Variants in CUX1 observed in about 807,000 individuals in gnomAD.
CUX1 encodes protein CASP.
In CUX1, 31 loss-of-function variants were observed where a neutral mutation model predicts 158.8. The observed-to-expected ratio is 0.20, with a 90% CI of 0.15 to 0.26. The LOEUF (loss-of-function observed/expected upper bound fraction) is 0.26, where lower values mean the gene tolerates loss of function less well. Ranked by LOEUF, CUX1 falls within the 10% of genes least tolerant of loss-of-function variation. The probability of loss-of-function intolerance (pLI) is 1.00; values close to 1 mark genes in which losing one functional copy is unlikely to be tolerated. For missense variants in CUX1, 1,589 were observed against 2,014.6 expected, an observed-to-expected ratio of 0.79 and a Z score of 4.04; for synonymous variants, 879 against 862.1, an observed-to-expected ratio of 1.02 and a Z score of -0.34.
intron 17 of CUX1, among the ~76,000 whole-genome samples, chr7:102,200,716 G>A (rs782012220): frequency 2.1e-4 from 31 of 149,792 alleles, no homozygotes; most frequent in Non-Finnish European, 4.4e-4. Flanking sequence ...TATAGCACAG[G>A]AAAATGAATA....
intron 1 of CUX1, among the ~76,000 whole-genome samples, chr7:101,888,064 T>G (rs1047777826): frequency 4.6e-5 from 7 of 152,292 alleles, no homozygotes; most frequent in Non-Finnish European, 7.4e-5. Context: ...CCGGGTGTGG[T>G]GGCTCACGCC....
intron 2 of CUX1, among the ~76,000 whole-genome samples, chr7:102,013,154 G>A (rs1189669650): frequency 6.7e-6 from 1 of 149,870 alleles, no homozygotes; most frequent in African/African-American, 2.4e-5. Context: ...CCATCCCAGG[G>A]TTATGAATGA....
Position 102,256,229 on chromosome 7 carries a change from A to G in CUX1, c.*7187A>G. On this transcript the variant is annotated 3_prime_UTR_variant, in exon 24 of 24. Transcript: ENST00000292535. ...TGAGGCCACAGCCATCCCTTCCAGCACTTAATCTTGTCTTGTTGAAATGGA... is the reference window on the plus strand; with the variant it reads ...TGAGGCCACAGCCATCCCTTCCAGCGCTTAATCTTGTCTTGTTGAAATGGA... 1.0e-6 allele frequency: 1 copy of G among 985,392 alleles called. No homozygotes were observed. The highest frequency in any genetic ancestry group is 1.2e-6 in the Non-Finnish European group (1 of 829,938). The allele number at this position is 985,392 out of a possible 1,614,324, so 61.0% of individuals were successfully genotyped here.
At chr7:102,183,685 C>T (rs1027721843) in intron 11 of CUX1, among the ~76,000 whole-genome samples, 2 of 152,158 alleles carry the variant, frequency 1.3e-5, no homozygotes, top group South Asian at 2.1e-4. Context: ...AGGGGGTCCC[C>T]GTGAGACCGA....
intron 10 of CUX1, among the ~76,000 whole-genome samples, chr7:102,174,795 T>G (rs113114150): frequency 0.065 from 9,900 of 152,126 alleles, 443 homozygotes; most frequent in African/African-American, 0.12. Context: ...ACTATAAAAA[T>G]TTGCCTTTGC....
chr7:102,070,851 C>G (rs1441502324), intron 4 of CUX1, among the ~76,000 whole-genome samples: 1 of 152,206 alleles, frequency 6.6e-6, no homozygotes, highest in African/African-American at 2.4e-5. Flanking sequence ...AGATCAGTGG[C>G]CCCTGGACAA....
In CUX1 at chr7:102,248,736, C is replaced by T. The variant is rs1801107777; in HGVS notation, c.4212C>T (p.Ser1404=). 1 of 1,096,160 alleles carries T rather than the reference C, an allele frequency of 9.1e-7. No individual in the cohort carries two copies. The highest frequency in any genetic ancestry group is 3.5e-5 in the South Asian group (1 of 28,558). 67.9% of individuals were successfully genotyped at this position (1,096,160 alleles called of 1,614,324 possible). ...TGGAAGGCCCGGGGCCCCTGCCCAGCCCCGCCTCCGCGACCGCCACCGCCG... is the reference window on the plus strand; with the variant it reads ...TGGAAGGCCCGGGGCCCCTGCCCAGTCCCGCCTCCGCGACCGCCACCGCCG... ...GPVEGPGPLP[S]PASATATAAP... is the part of the protein sequence containing the mutation. Residue 1404 remains serine (S), a synonymous_variant, in exon 24 of 24, where the codon AGC becomes AGT. Coordinates refer to ENST00000292535, the MANE Select transcript of CUX1 (RefSeq NM_181552.4). The surrounding 1 kb of genome is among the most constrained non-coding windows in gnomAD (Gnocchi z 5.8).
chr7:102,100,661 T>C (rs922199216), intron 5 of CUX1, among the ~76,000 whole-genome samples: 5 of 152,130 alleles, frequency 3.3e-5, no homozygotes, highest in Non-Finnish European at 5.9e-5. Context: ...ACCAGTAGTG[T>C]AAATGATTAA....
At chr7:101,860,642 TAG>T (rs1797336653) in intron 1 of CUX1, among the ~76,000 whole-genome samples, 1 of 152,162 alleles carries the variant, frequency 6.6e-6, no homozygotes, top group South Asian at 2.1e-4. Context: ...AGGATTGTAC[TAG>T]TCTGTCTGTC....
intron 14 of CUX1, among the ~76,000 whole-genome samples, chr7:102,264,226 G>A (rs979399076): frequency 2.0e-5 from 3 of 151,528 alleles, no homozygotes; most frequent in African/African-American, 4.9e-5. Context: ...GGCTGGTCTC[G>A]AACTCCTGAC....
chr7:101,883,663 G>A (rs1468582569), intron 1 of CUX1, among the ~76,000 whole-genome samples: 2 of 151,194 alleles, frequency 1.3e-5, no homozygotes, highest in African/African-American at 4.9e-5. Flanking sequence ...CCAGGCTGGA[G>A]TGCAATGGCA....
intron 8 of CUX1, among the ~76,000 whole-genome samples, chr7:102,136,143 C>T (rs1833874350): frequency 6.6e-6 from 1 of 151,982 alleles, no homozygotes; most frequent in Non-Finnish European, 1.5e-5. Flanking sequence ...TTTCTTCCCC[C>T]AACATATAAT....
rs1482958361 is a variant in CUX1 at position 102,239,299 on chromosome 7, C to G, written c.3623-21C>G. 4 of 1,588,938 alleles carry G rather than the reference C, an allele frequency of 2.5e-6. No individual in the cohort carries two copies. The African/African-American group carries it at 5.4e-5, about 21-fold the overall frequency. On this transcript the variant is annotated intron_variant, in intron 22 of 23. Coordinates refer to ENST00000292535, the MANE Select transcript of CUX1 (RefSeq NM_181552.4). Reference sequence around the variant, plus strand: ...TGTCCCAGCTGGGCCTGACCTTAGTCTGCCATCTCTTCCTCCGCAGCCTAC... The same window carrying G: ...TGTCCCAGCTGGGCCTGACCTTAGTGTGCCATCTCTTCCTCCGCAGCCTAC...
At chr7:101,987,560 G>A (rs929337231) in intron 2 of CUX1, among the ~76,000 whole-genome samples, 3 of 152,226 alleles carry the variant, frequency 2.0e-5, no homozygotes, top group African/African-American at 4.8e-5. Context: ...CGGTGACTCC[G>A]TGGGACAGGG....
chr7:102,149,535 C>A (rs909209652), intron 8 of CUX1, among the ~76,000 whole-genome samples: 5 of 152,106 alleles, frequency 3.3e-5, no homozygotes, highest in Non-Finnish European at 7.4e-5. Flanking sequence ...CATTTGTTTC[C>A]CTTGGGTGTG....
intron 3 of CUX1, among the ~76,000 whole-genome samples, chr7:102,029,827 C>T (rs895030441): frequency 3.3e-5 from 5 of 152,152 alleles, no homozygotes; most frequent in Non-Finnish European, 7.3e-5. Flanking sequence ...TTACCTGACA[C>T]CTACCCACAT....
chr7:102,106,238 C>T (rs138070127), intron 6 of CUX1, among the ~76,000 whole-genome samples: 2,991 of 151,842 alleles, frequency 0.02, 112 homozygotes, highest in African/African-American at 0.069. Flanking sequence ...CAGGTGTGCA[C>T]GCCACCACGC....
rs564307293 is a variant in CUX1 at position 102,277,960 on chromosome 7, G to A, written c.1575G>A (p.Leu525=). The A allele has an allele frequency of 5.9e-5, 88 of 1,492,174 alleles. 2 individuals are homozygous for A. In the South Asian group the frequency reaches 1.1e-3, roughly 18 times the overall value. 92.4% of individuals were successfully genotyped at this position (1,492,174 alleles called of 1,614,324 possible). A position where few individuals can be genotyped will look rare whatever the true frequency, so the allele number is the denominator to read the frequency against. ...CCCTCCCCCCCCAGGAGAACCGCCT[G>A]GCCCAGCACACCCTCCAGGCCCTGC... Residue 525 remains leucine (L), a synonymous_variant, in exon 18 of 23, where the codon CTG becomes CTA. Coordinates refer to the CUX1 transcript ENST00000292538.
At chr7:102,263,486 G>T (rs1027023111) in intron 14 of CUX1, among the ~76,000 whole-genome samples, 4 of 151,074 alleles carry the variant, frequency 2.6e-5, no homozygotes, top group Non-Finnish European at 5.9e-5. Context: ...GCTAATTTTT[G>T]TTATTTTTAG....
Sources: gnomAD v4.1 joint callset for allele counts (sites outside exome capture counted in the v4.1 genomes callset) on GRCh38, gnomAD v4.1.1 for gene constraint, Gnocchi (gnomAD v3.1) non-coding constraint, MANE v1.5 for transcripts, NCBI Gene and HGNC (gene_info 2026-07-23, HGNC 2026-07-21) for gene names.